Variants in INVS observed in about 807,000 individuals in gnomAD.
INVS encodes the protein inversion of embryo turning homolog.
In INVS, 86 loss-of-function variants were observed where a neutral mutation model predicts 108.8. The ratio of observed to expected loss-of-function variants is 0.79; its 90% CI spans 0.66 to 0.95. The LOEUF is 0.95. INVS is among the 40% of genes least tolerant of loss of function. The pLI, the probability that INVS is intolerant of heterozygous loss-of-function variation, is 0.00. For synonymous variants in INVS, 455 were observed against 473.5 expected (o/e 0.96, Z 0.51); for missense variants, 1,169 against 1,297.4 (o/e 0.90, Z 1.52).
chr9:100,212,328 G>C (rs576178917), intron 3 of INVS, among the ~76,000 whole-genome samples: 1 of 152,136 alleles, frequency 6.6e-6, no homozygotes, highest in Non-Finnish European at 1.5e-5. Context: ...TTCAAGAAGG[G>C]TGTAGAGATT....
At chr9:100,284,288 T>A (rs775402458) in intron 12 of INVS, 32 bp from the exon 13 acceptor site, 1 of 1,612,876 alleles carries the variant, frequency 6.2e-7, no homozygotes, top group Non-Finnish European at 8.5e-7. Context: ...CTCTTTAAAT[T>A]TTTTCATCTT....
In INVS at chr9:100,154,331, A is replaced by ATTTTTTTTTTTTT. The variant is rs780090630; in HGVS notation, c.273+27798_273+27810dup. On this transcript the variant is annotated intron_variant, in intron 3 of 16. Transcript: ENST00000262457. ...AGGTGTGTGCCACCACAACCGACTAATTTTTTTTTTTTTTTTTTTTTTTTT... is the reference window on the plus strand; with the variant it reads ...AGGTGTGTGCCACCACAACCGACTAATTTTTTTTTTTTTTTTTTTTTTTTTTTTTTTTTTTTTT... Among the ~76,000 whole-genome samples the ATTTTTTTTTTTTT allele has an allele frequency of 2.7e-3, 184 of 68,570 alleles. 23 individuals are homozygous for ATTTTTTTTTTTTT. The highest frequency in any genetic ancestry group is 0.012 in the African/African-American group (155 of 12,990). 45.0% of individuals were successfully genotyped at this position (68,570 alleles called of 152,430 possible). A position where few individuals can be genotyped will look rare whatever the true frequency, so the allele number is the denominator to read the frequency against.
chr9:100,123,539 C>A (rs1827789331), intron 2 of INVS, among the ~76,000 whole-genome samples: 1 of 152,144 alleles, frequency 6.6e-6, no homozygotes, highest in Non-Finnish European at 1.5e-5. Context: ...TTATTTCCAC[C>A]TTTTGGCTCT....
At chr9:100,154,134 T>C (rs1828892223) in intron 3 of INVS, among the ~76,000 whole-genome samples, 1 of 152,060 alleles carries the variant, frequency 6.6e-6, no homozygotes, top group Non-Finnish European at 1.5e-5. Flanking sequence ...TTATTTGTAG[T>C]AGAGAAAGCT....
intron 3 of INVS, among the ~76,000 whole-genome samples, chr9:100,186,580 T>G (rs981730891): frequency 6.6e-6 from 1 of 152,220 alleles, no homozygotes; most frequent in Admixed American, 6.6e-5. Flanking sequence ...ATGGTGATAT[T>G]ATCTCATTGT....
chr9:100,137,264 G>A (rs1168893184), intron 3 of INVS, among the ~76,000 whole-genome samples: 1 of 152,086 alleles, frequency 6.6e-6, no homozygotes, highest in Admixed American at 6.6e-5. Flanking sequence ...CCTAAAGCAG[G>A]GGAGACTGGA....
At chr9:100,166,118 A>C (rs1829356598) in intron 3 of INVS, among the ~76,000 whole-genome samples, 2 of 152,180 alleles carry the variant, frequency 1.3e-5, no homozygotes, top group Admixed American at 6.5e-5. Context: ...ATAGAATATC[A>C]CATTGTCTAG....
chr9:100,298,157 C>T, intron 16 of INVS, 147 bp downstream of exon 16: 1 of 1,541,910 alleles, frequency 6.5e-7, no homozygotes, highest in Non-Finnish European at 8.7e-7. Context: ...TTACTGTAGC[C>T]AACATCTGTC....
intron 3 of INVS, among the ~76,000 whole-genome samples, chr9:100,153,710 A>G (rs1336714141): frequency 1.3e-5 from 2 of 152,230 alleles, no homozygotes; most frequent in Non-Finnish European, 2.9e-5. Flanking sequence ...TCCAATATCA[A>G]GTTATCAGCA....
chr9:100,161,291 G>A (rs1192046334), intron 3 of INVS, among the ~76,000 whole-genome samples: 4 of 138,616 alleles, frequency 2.9e-5, no homozygotes, highest in Admixed American at 8.4e-5. Flanking sequence ...CAAGATAATC[G>A]CTTAAACTCA....
rs144474586 is a variant in INVS at position 100,152,168 on chromosome 9, C to T, written c.273+25619C>T. Among the ~76,000 whole-genome samples the T allele has an allele frequency of 9.2e-5, 14 of 152,284 alleles. No homozygotes were observed. The East Asian group carries it at 2.3e-3, about 25-fold the overall frequency. On this transcript the variant is annotated intron_variant, in intron 3 of 16. Coordinates refer to ENST00000262457, the MANE Select transcript of INVS (RefSeq NM_014425.5). Reference sequence around the variant, plus strand: ...ACACTGAAATATATTTATTTGTTTACATGTTTTATTTCTCCACAGATGATG... The same window carrying T: ...ACACTGAAATATATTTATTTGTTTATATGTTTTATTTCTCCACAGATGATG...
intron 3 of INVS, among the ~76,000 whole-genome samples, chr9:100,136,471 A>G (rs1209824854): frequency 6.6e-6 from 1 of 152,182 alleles, no homozygotes; most frequent in Non-Finnish European, 1.5e-5. Flanking sequence ...CCAAAAAGAA[A>G]TTAGTGATAA....
At chr9:100,172,218 C>T (rs2119042667) in intron 3 of INVS, among the ~76,000 whole-genome samples, 1 of 152,180 alleles carries the variant, frequency 6.6e-6, no homozygotes. Flanking sequence ...GAATCTTAGC[C>T]CTTATTATCC....
chr9:100,155,926 A>G (rs538118821), intron 3 of INVS, among the ~76,000 whole-genome samples: 2 of 152,356 alleles, frequency 1.3e-5, no homozygotes, highest in South Asian at 2.1e-4. Flanking sequence ...TCTGAATTTC[A>G]TAGCACTAGC....
At chr9:100,299,634 TGA>T (rs1491199825) in intron 16 of INVS, among the ~76,000 whole-genome samples, 8 of 81,758 alleles carry the variant, frequency 9.8e-5, no homozygotes, top group Admixed American at 1.3e-4. Flanking sequence ...AGCCTTTTAT[TGA>T]CACACACACA....
chr9:100,261,275 T>C (rs1832614362), intron 10 of INVS, among the ~76,000 whole-genome samples: 1 of 151,168 alleles, frequency 6.6e-6, no homozygotes, highest in Non-Finnish European at 1.5e-5. Flanking sequence ...CTTTTTTTTT[T>C]TTTTTTTTGA....
At chr9:100,138,225 G>A (rs1828295765) in intron 3 of INVS, among the ~76,000 whole-genome samples, 1 of 152,026 alleles carries the variant, frequency 6.6e-6, no homozygotes, top group Non-Finnish European at 1.5e-5. Flanking sequence ...GGCCAATGTG[G>A]TGAAACCCCA....
chr9:100,258,490 G>T (rs552063383), intron 10 of INVS, among the ~76,000 whole-genome samples: 39 of 152,154 alleles, frequency 2.6e-4, no homozygotes, highest in African/African-American at 8.2e-4. Flanking sequence ...GAGGCACTCT[G>T]ATTTTTAGAA....
rs1159887693 is a variant in INVS, at chr9:100,297,934, A to C, written c.3017-2A>C. 1 of 1,614,028 alleles carries C rather than the reference A, an allele frequency of 6.2e-7. No homozygotes were observed. Among genetic ancestry groups the C allele is most frequent in the East Asian group, 2.2e-5 (1 of 44,890 alleles). ...AAAGTAACAGTTGTTGGTTCATTTC[A>C]GGTTGTTCTCACGAAGGGAAAATAC... is the stretch of plus-strand genomic sequence containing the variant. On this transcript the variant is annotated splice_acceptor_variant, in intron 15 of 16. Coordinates refer to ENST00000262457, the MANE Select transcript of INVS (RefSeq NM_014425.5). LOFTEE classifies it high-confidence loss of function.
Sources: allele counts gnomAD v4.1 joint callset (sites outside exome capture counted in the v4.1 genomes callset), GRCh38; gene constraint gnomAD v4.1.1; transcripts MANE v1.5; gene names NCBI Gene and HGNC (gene_info 2026-07-23, HGNC 2026-07-21).